Variants in BCL11A observed in about 807,000 individuals in gnomAD.
BCL11A encodes the protein BCL11 transcription factor A.
Under a neutral mutation model 55.9 loss-of-function variants are expected in BCL11A, and 2 were observed. The observed-to-expected ratio is 0.04, with a 90% CI of 0.01 to 0.11. The LOEUF (loss-of-function observed/expected upper bound fraction) is 0.11. Ranked by LOEUF, BCL11A falls within the 10% of genes least tolerant of loss-of-function variation. The pLI is 1.00. For synonymous variants in BCL11A, 465 were observed against 473.4 expected (o/e 0.98, Z 0.23); for missense variants, 817 against 1,137.1 (o/e 0.72, Z 4.05).
At chr2:60,491,628 G>A (rs547934734) in intron 2 of BCL11A, among the ~76,000 whole-genome samples, 3 of 150,802 alleles carry the variant, frequency 2.0e-5, no homozygotes, top group Non-Finnish European at 2.9e-5. Context: ...CCGAGATCGC[G>A]CCATTGCATT....
intron 2 of BCL11A, among the ~76,000 whole-genome samples, chr2:60,538,733 C>CTG (rs1558505064): frequency 1.6e-5 from 1 of 64,368 alleles, no homozygotes; most frequent in African/African-American, 4.1e-5. Context: ...CTCTCTCTCT[C>CTG]TCTCTCTGTG....
chr2:60,553,651 A>G lies in BCL11A; in HGVS notation c.-381T>C. On this transcript the variant is annotated 5_prime_UTR_variant, in exon 1 of 4. Coordinates refer to ENST00000642384, the MANE Select transcript of BCL11A (RefSeq NM_022893.4). Reference sequence around the variant, plus strand: ...GAACGTCAGGAGTCTGGATGGACAGAGACACACAAAACATGGGCAGGGCGA... The same window carrying G: ...GAACGTCAGGAGTCTGGATGGACAGGGACACACAAAACATGGGCAGGGCGA... The G allele has an allele frequency of 6.8e-6, 2 of 294,424 alleles. No individual in the cohort carries two copies. The highest frequency in any genetic ancestry group is 1.2e-5 in the Non-Finnish European group (2 of 162,506). 18.2% of individuals were successfully genotyped at this position (294,424 alleles called of 1,614,324 possible).
rs145291459 is a variant in BCL11A at position 60,459,169 on chromosome 2, T to C, written c.*1235A>G. On this transcript the variant is annotated 3_prime_UTR_variant, in exon 4 of 4. Coordinates refer to ENST00000642384, the MANE Select transcript of BCL11A (RefSeq NM_022893.4). ...TCTGTTCCCCTCTGTCAAACCTTAT[T>C]GTCAGCCTCTTCCTTTCAATATGGT... is the stretch of plus-strand genomic sequence containing the variant. The C allele has an allele frequency of 3.2e-4, 328 of 1,023,848 alleles. 3 individuals are homozygous for C. The African/African-American group carries it at 4.9e-3, about 15-fold the overall frequency. The allele number at this position is 1,023,848 out of a possible 1,614,324, so 63.4% of individuals were successfully genotyped here.
At chr2:60,468,879 G>A in intron 2 of BCL11A, 46 bp from the exon 3 acceptor site, 1 of 1,220,108 alleles carries the variant, frequency 8.2e-7, no homozygotes, top group Non-Finnish European at 1.2e-6. Flanking sequence ...CAAACAACGT[G>A]CATCATAAAC....
chr2:60,500,142 C>G (rs780604066), intron 2 of BCL11A, among the ~76,000 whole-genome samples: 3 of 152,224 alleles, frequency 2.0e-5, no homozygotes, highest in Non-Finnish European at 4.4e-5. Flanking sequence ...GCCCTGGGCA[C>G]TGAGGGCTAG....
chr2:60,503,120 A>G (rs969298609), intron 2 of BCL11A, among the ~76,000 whole-genome samples: 1 of 152,200 alleles, frequency 6.6e-6, no homozygotes, highest in African/African-American at 2.4e-5. Context: ...TCCACTCTGC[A>G]TTTGTCCTGG....
At chr2:60,501,705 C>T (rs147337749) in intron 2 of BCL11A, among the ~76,000 whole-genome samples, 134 of 151,986 alleles carry the variant, frequency 8.8e-4, no homozygotes, top group Non-Finnish European at 1.7e-3. Flanking sequence ...GAGGTTTCTC[C>T]ATGTTGGTCA....
chr2:60,505,094 G>A (rs1679506066), intron 2 of BCL11A, among the ~76,000 whole-genome samples: 1 of 151,982 alleles, frequency 6.6e-6, no homozygotes, highest in Non-Finnish European at 1.5e-5. Context: ...TCTTCACAGG[G>A]TTACTCATGA....
downstream of BCL11A, chr2:60,452,827 C>A (rs764702531): frequency 1.7e-6 from 1 of 588,512 alleles, no homozygotes; most frequent in East Asian, 2.9e-5. Context: ...CTCAGCCTCC[C>A]CTCCCCAAGT....
At position 60,461,559 on chromosome 2, in the gene BCL11A, G is replaced by C. The variant is rs1189099854; in HGVS notation, c.1353C>G (p.Gly451=). 6.2e-7 allele frequency: 1 copy of C among 1,611,606 alleles called. No individual in the cohort carries two copies. Among genetic ancestry groups the C allele is most frequent in the Non-Finnish European group, 8.5e-7 (1 of 1,180,030 alleles). ...TGGCGCTGCCCACCAAGTCGCTGGT[G>C]CCGGGTTCCGGGGAGCTGGCGGTGG... ...GLSTASSPEP[G]TSDLVGSASS... is the part of the protein sequence containing the mutation. The change falls in exon 4 of 4, where the codon GGC becomes GGG. Residue 451 remains glycine, a synonymous_variant. Transcript: ENST00000642384.
At chr2:60,526,893 C>T (rs1214460721) in intron 2 of BCL11A, 1 of 152,236 alleles carries the variant, frequency 6.6e-6, no homozygotes. Flanking sequence ...TACTTAGCAC[C>T]AGGAACGTTG....
chr2:60,541,001 G>A (rs548213564), intron 2 of BCL11A, among the ~76,000 whole-genome samples: 1 of 137,098 alleles, frequency 7.3e-6, no homozygotes, highest in Non-Finnish European at 1.6e-5. Flanking sequence ...TGGTTATTTT[G>A]TTTTTTTGTT....
chr2:60,524,731 G>A (rs928823536), intron 2 of BCL11A: 1 of 152,102 alleles, frequency 6.6e-6, no homozygotes, highest in African/African-American at 2.4e-5. Flanking sequence ...GAGCACATGG[G>A]ATAATAAAAG....
intron 2 of BCL11A, among the ~76,000 whole-genome samples, chr2:60,509,349 G>A (rs571638966): frequency 6.6e-6 from 1 of 152,334 alleles, no homozygotes; most frequent in South Asian, 2.1e-4. Context: ...CTGTGGAAAA[G>A]AGGACAACGG....
chr2:60,491,560 T>C, intron 2 of BCL11A, among the ~76,000 whole-genome samples: 1 of 151,602 alleles, frequency 6.6e-6, no homozygotes, highest in East Asian at 1.9e-4. Context: ...TAATCTCAGC[T>C]ACTCGGGAGG....
chr2:60,493,546 C>T (rs759695705), intron 2 of BCL11A, among the ~76,000 whole-genome samples: 1 of 152,090 alleles, frequency 6.6e-6, no homozygotes, highest in Non-Finnish European at 1.5e-5. Flanking sequence ...TGGGAAGAGA[C>T]CCCAAAACAT....
rs566585081 is a variant in BCL11A, at chr2:60,507,617, G to A, written c.385+38354C>T. 3.3e-4 allele frequency among the ~76,000 whole-genome samples: 51 copies of A among 152,242 alleles called. No individual in the cohort carries two copies. The South Asian group carries it at 0.01, about 31-fold the overall frequency. ...TTTCAACAGCTCACTGCATAACAGA[G>A]TCTCTTACACAGGGCTGCCTCCGCA... On this transcript the variant is annotated intron_variant, in intron 2 of 3. Coordinates refer to ENST00000642384, the MANE Select transcript of BCL11A (RefSeq NM_022893.4).
intron 2 of BCL11A, among the ~76,000 whole-genome samples, chr2:60,538,735 CTCTCTGTGTGTGTGTGTG>C (rs1381985950): frequency 4.3e-5 from 3 of 69,260 alleles, no homozygotes; most frequent in Admixed American, 1.8e-4. Flanking sequence ...CTCTCTCTCT[CTCTCTGTGTGTGTGTGTG>C]TGTGTGTGTG....
chr2:60,470,353 C>T (rs900365382), intron 2 of BCL11A, among the ~76,000 whole-genome samples: 5 of 152,134 alleles, frequency 3.3e-5, no homozygotes, highest in African/African-American at 9.7e-5. Flanking sequence ...GAGAGTGTGG[C>T]GTAAAATTAC....
Sources: allele counts gnomAD v4.1 joint callset (sites outside exome capture counted in the v4.1 genomes callset), GRCh38; gene constraint gnomAD v4.1.1; transcripts MANE v1.5; gene names NCBI Gene and HGNC (gene_info 2026-07-23, HGNC 2026-07-21).